CORO7: variants seen among roughly 807,000 people sequenced by gnomAD.
CORO7 encodes the protein coronin-7.
In CORO7, 107 loss-of-function variants were observed where a neutral mutation model predicts 126.6. That is an observed-to-expected ratio of 0.85 (90% CI 0.72 to 0.99). CORO7 has a LOEUF of 0.99. CORO7 is among the 50% of genes least tolerant of loss of function. CORO7 has a pLI of 0.00. For synonymous variants in CORO7, 603 were observed against 536.8 expected, an observed-to-expected ratio of 1.12 and a Z score of -1.70; for missense variants, 1,314 against 1,255.8, an observed-to-expected ratio of 1.05 and a Z score of -0.70.
At chr16:4,382,755 A>C (rs776613306) in intron 9 of CORO7, 10 of 1,560,358 alleles carry the variant, frequency 6.4e-6, no homozygotes, top group Non-Finnish European at 8.7e-6. Flanking sequence ...AACTGGAGGG[A>C]GTGAAGGTCC....
intron 9 of CORO7, chr16:4,381,525 C>T (rs1350155028): frequency 3.7e-6 from 6 of 1,601,642 alleles, no homozygotes; most frequent in Non-Finnish European, 4.3e-6. Flanking sequence ...GCCGCTTGCG[C>T]AACCTCCACG....
chr16:4,411,820 TG>T (rs1330340933), intron 3 of CORO7, among the ~76,000 whole-genome samples: 7 of 152,002 alleles, frequency 4.6e-5, no homozygotes, highest in Admixed American at 2.6e-4. Flanking sequence ...TGGGCTGCTC[TG>T]CCTCCATCTG....
chr16:4,402,093 C>T (rs1449318690), intron 6 of CORO7, among the ~76,000 whole-genome samples: 1 of 152,030 alleles, frequency 6.6e-6, no homozygotes, highest in Non-Finnish European at 1.5e-5. Context: ...TGCATGCCAA[C>T]ATGCCTGGCT....
chr16:4,381,175 G>T, intron 9 of CORO7: 1 of 1,611,744 alleles, frequency 6.2e-7, no homozygotes, highest in Non-Finnish European at 8.5e-7. Context: ...CCAGCCACTC[G>T]CCAACCTCAG....
At chr16:4,381,645 G>A in intron 9 of CORO7, 2 of 1,600,946 alleles carry the variant, frequency 1.2e-6, no homozygotes, top group Non-Finnish European at 1.7e-6. Context: ...CCCAGCTGCG[G>A]CCCGAGGACC....
At chr16:4,376,518 C>G (rs944502512) in intron 9 of CORO7, among the ~76,000 whole-genome samples, 7 of 152,150 alleles carry the variant, frequency 4.6e-5, no homozygotes, top group Non-Finnish European at 8.8e-5. Context: ...CAAGCCTGTC[C>G]CCTACTCAGC....
intron 9 of CORO7, chr16:4,381,724 C>T: frequency 6.2e-7 from 1 of 1,606,214 alleles, no homozygotes; most frequent in South Asian, 1.1e-5. Context: ...GCCTGGCGAC[C>T]TCTCGGGCCT....
chr16:4,399,073 T>C (rs2055707495), intron 6 of CORO7, among the ~76,000 whole-genome samples: 1 of 151,874 alleles, frequency 6.6e-6, no homozygotes, highest in African/African-American at 2.4e-5. Flanking sequence ...TGGAAAACAG[T>C]ATGGCAGTTC....
At chr16:4,388,680 G>C in intron 7 of CORO7, 49 bp from the exon 8 acceptor site, 1 of 1,574,596 alleles carries the variant, frequency 6.4e-7, no homozygotes, top group Non-Finnish European at 8.6e-7. Flanking sequence ...CTGCTGGTGG[G>C]CGGGGCCCCC....
chr16:4,395,726 G>A (rs1198307391), intron 6 of CORO7, among the ~76,000 whole-genome samples: 1 of 152,126 alleles, frequency 6.6e-6, no homozygotes, highest in Non-Finnish European at 1.5e-5. Flanking sequence ...CCAAACTCTA[G>A]GCTGTCAGCG....
chr16:4,385,634 TCCGTGGAGGCTGCCTGAGCACAGACAGGA>T (rs2055170477), intron 9 of CORO7, among the ~76,000 whole-genome samples: 1 of 152,048 alleles, frequency 6.6e-6, no homozygotes, highest in African/African-American at 2.4e-5. Context: ...TGGGCAGCCC[TCCGTGGAGGCTGCCTGAGCACAGACAGGA>T]CCTTGGTGTT....
At chr16:4,408,104 G>T in intron 4 of CORO7, 77 bp downstream of exon 4, 1 of 1,604,012 alleles carries the variant, frequency 6.2e-7, no homozygotes, top group Non-Finnish European at 8.5e-7. Flanking sequence ...GAGCCCTGTG[G>T]GGATGGCGCT....
At chr16:4,389,708 A>G (rs1021097836) in intron 7 of CORO7, among the ~76,000 whole-genome samples, 1 of 152,168 alleles carries the variant, frequency 6.6e-6, no homozygotes, top group Non-Finnish European at 1.5e-5. Flanking sequence ...GTAAGAGGGG[A>G]TATCGGGTCA....
chr16:4,396,605 G>C (rs1477980567), intron 6 of CORO7, among the ~76,000 whole-genome samples: 3 of 152,192 alleles, frequency 2.0e-5, no homozygotes, highest in African/African-American at 7.2e-5. Context: ...GGGTGGGGAA[G>C]ATGGGGGCTG....
At chr16:4,389,498 G>T (rs894666214) in intron 7 of CORO7, among the ~76,000 whole-genome samples, 1 of 152,226 alleles carries the variant, frequency 6.6e-6, no homozygotes, top group African/African-American at 2.4e-5. Context: ...ATGAGGGAGG[G>T]AAGCAGCCTG....
chr16:4,382,406 C>T (rs377530491), intron 9 of CORO7: 16 of 1,611,704 alleles, frequency 9.9e-6, no homozygotes, highest in East Asian at 8.9e-5. Flanking sequence ...CGGCTGGTGA[C>T]GCTGCGACTG....
In CORO7 at chr16:4,407,642, A is replaced by AGGGCAGGGCCT; in HGVS notation, c.335_345dup (p.Ser116ArgfsTer32). 1 of 1,609,938 alleles carries AGGGCAGGGCCT rather than the reference A, an allele frequency of 6.2e-7. No homozygotes were observed. Among genetic ancestry groups the AGGGCAGGGCCT allele is most frequent in the Non-Finnish European group, 8.5e-7 (1 of 1,178,634 alleles). ...GGGCCCAGCACCACCCCGGGTGCTGAGGGCAGGGCCTGGCCAGGCCCTGGC... is the reference window on the plus strand; with the variant it reads ...GGGCCCAGCACCACCCCGGGTGCTGAGGGCAGGGCCTGGGCAGGGCCTGGCCAGGCCCTGGC... On this transcript the variant is annotated frameshift_variant, in exon 5 of 28. Coordinates refer to ENST00000251166, the MANE Select transcript of CORO7 (RefSeq NM_024535.5). LOFTEE classifies it high-confidence loss of function.
chr16:4,393,873 G>A (rs2055483588), intron 7 of CORO7, among the ~76,000 whole-genome samples: 1 of 152,140 alleles, frequency 6.6e-6, no homozygotes, highest in Admixed American at 6.6e-5. Context: ...GGCCGAGGAG[G>A]GTGGATCACA....
chr16:4,407,836 T>A, intron 4 of CORO7, 152 bp from the exon 5 acceptor site: 1 of 1,000,490 alleles, frequency 1.0e-6, no homozygotes, highest in Non-Finnish European at 1.4e-6. Context: ...CCGCCTCAGC[T>A]TGCTTGGGCC....
Sources: gnomAD v4.1 joint callset for allele counts (sites outside exome capture counted in the v4.1 genomes callset) on GRCh38, gnomAD v4.1.1 for gene constraint, MANE v1.5 for transcripts, NCBI Gene and HGNC (gene_info 2026-07-23, HGNC 2026-07-21) for gene names.